ATF2: variants seen among roughly 807,000 people sequenced by gnomAD.
The protein encoded by ATF2 is activating transcription factor 2.
ATF2 carries 24 observed loss-of-function variants against 60.6 expected under a neutral mutation model. The observed-to-expected ratio is 0.40, with a 90% CI of 0.29 to 0.56. The LOEUF (loss-of-function observed/expected upper bound fraction) is 0.56, where lower values mean the gene tolerates loss of function less well. ATF2 is among the 20% of genes least tolerant of loss of function. The pLI, the probability that ATF2 is intolerant of heterozygous loss-of-function variation, is 0.54. For synonymous variants in ATF2, 206 were observed against 215.4 expected, an observed-to-expected ratio of 0.96 and a Z score of 0.38; for missense variants, 433 against 607.7, an observed-to-expected ratio of 0.71 and a Z score of 3.02.
chr2:175,163,625 A>G (rs1559131886), intron 1 of ATF2, among the ~76,000 whole-genome samples: 2 of 149,830 alleles, frequency 1.3e-5, no homozygotes, highest in Non-Finnish European at 1.5e-5. Flanking sequence ...AATGCCAAGG[A>G]AAAAAAATCA....
At chr2:175,122,951 G>A (rs2178329) in intron 4 of ATF2, among the ~76,000 whole-genome samples, 137,303 of 152,090 alleles carry the variant, frequency 0.9, 62,067 homozygotes, top group East Asian at 1. Flanking sequence ...TACTTCACAT[G>A]CCAACAGAAA....
intron 1 of ATF2, among the ~76,000 whole-genome samples, chr2:175,160,575 T>G (rs879430736): frequency 5.3e-5 from 8 of 152,200 alleles, no homozygotes; most frequent in Admixed American, 5.2e-4. Flanking sequence ...ATAAAATATT[T>G]CACTGATTCT....
chr2:175,094,428 A>AAAAAAAAAAAAAAAG (rs1694776135), intron 11 of ATF2, among the ~76,000 whole-genome samples: 1 of 147,464 alleles, frequency 6.8e-6, no homozygotes, highest in Non-Finnish European at 1.5e-5. Context: ...AAAAAAAAAA[A>AAAAAAAAAAAAAAAG]AGAAAGAAGA....
intron 9 of ATF2, among the ~76,000 whole-genome samples, chr2:175,113,642 T>C (rs2105687395): frequency 6.6e-6 from 1 of 152,186 alleles, no homozygotes; most frequent in Middle Eastern, 3.4e-3. Context: ...TTATAAACAA[T>C]TTCCATACTA....
chr2:175,094,147 C>A (rs894308274), intron 11 of ATF2, among the ~76,000 whole-genome samples: 8 of 152,082 alleles, frequency 5.3e-5, no homozygotes, highest in African/African-American at 1.9e-4. Flanking sequence ...AATCCCAGCA[C>A]TCTGGGAGGC....
In ATF2 at chr2:175,118,121, A is replaced by G. The variant is rs1442066464; in HGVS notation, c.319-3T>C. The G allele has an allele frequency of 3.7e-6, 6 of 1,607,520 alleles. No individual in the cohort carries two copies. The East Asian group carries it at 8.9e-5, about 24-fold the overall frequency. ...AGAGGGGATAAATCTAGAGGCATCT[A>G]TAATTCAAATAATAAGGAAAAGGTT... On this transcript the variant is annotated splice_polypyrimidine_tract_variant and splice_region_variant and intron_variant, in intron 6 of 13. Transcript: ENST00000264110.
intron 2 of ATF2, among the ~76,000 whole-genome samples, chr2:175,146,917 G>A (rs1202722655): frequency 6.6e-6 from 1 of 151,968 alleles, no homozygotes; most frequent in African/African-American, 2.4e-5. Context: ...TATATAATTA[G>A]CATCGATGTA....
chr2:175,158,233 G>T (rs1434974173), intron 1 of ATF2, among the ~76,000 whole-genome samples: 2 of 144,796 alleles, frequency 1.4e-5, no homozygotes, highest in East Asian at 3.9e-4. Flanking sequence ...TTGAATTCAG[G>T]ATTTTTTTTT....
Position 175,097,515 on chromosome 2 carries a change from C to G in ATF2, c.907G>C (p.Val303Leu). Residue 303 changes from valine to leucine, a missense_variant, in exon 11 of 14, where the codon GTT becomes CTT. This residue lies in a region of ATF2 where 246 missense variants were observed against 309.3 expected (regional missense o/e 0.80). Transcript: ENST00000264110. ...DTVKGHGSGLVRTQSEESRPQ... is the reference protein window; with the variant it reads ...DTVKGHGSGLLRTQSEESRPQ... ...CGAGATTCCTCTGACTGAGTCCTAA[C>G]CAATCCGCTACCATGACCTTTGACA... The G allele has an allele frequency of 6.2e-7, 1 of 1,614,128 alleles. No individual in the cohort carries two copies. Among genetic ancestry groups the G allele is most frequent in the Non-Finnish European group, 8.5e-7 (1 of 1,180,006 alleles).
intron 1 of ATF2, among the ~76,000 whole-genome samples, chr2:175,155,979 G>C (rs1327085027): frequency 1.3e-5 from 2 of 152,074 alleles, no homozygotes; most frequent in Admixed American, 6.5e-5. Flanking sequence ...GAGTGTATTA[G>C]GCAGAATGGC....
chr2:175,077,271 C>T (rs906589490), intron 13 of ATF2, among the ~76,000 whole-genome samples: 2 of 152,018 alleles, frequency 1.3e-5, no homozygotes, highest in Non-Finnish European at 2.9e-5. Context: ...TTTGCATGTG[C>T]CTTTATAGCA....
At chr2:175,108,451 C>A (rs2430559) in intron 10 of ATF2, among the ~76,000 whole-genome samples, 1 of 146,978 alleles carries the variant, frequency 6.8e-6, no homozygotes, top group Non-Finnish European at 1.5e-5. Context: ...CAGCCCCGTC[C>A]GGGAGGGAGG....
At chr2:175,155,430 T>C (rs1699611576) in intron 1 of ATF2, among the ~76,000 whole-genome samples, 1 of 152,216 alleles carries the variant, frequency 6.6e-6, no homozygotes, top group South Asian at 2.1e-4. Flanking sequence ...GCTTTAAGAA[T>C]TGGTGTTCTG....
chr2:175,108,603 G>A (rs1026451164), intron 10 of ATF2, among the ~76,000 whole-genome samples: 6 of 151,816 alleles, frequency 4.0e-5, no homozygotes, highest in African/African-American at 1.2e-4. Flanking sequence ...GAGGTGGGGG[G>A]CGCCTCTGCC....
At chr2:175,127,631 ATGCTCCAGCCACAGTAG>A (rs1408457187) in intron 4 of ATF2, among the ~76,000 whole-genome samples, 1 of 152,078 alleles carries the variant, frequency 6.6e-6, no homozygotes, top group Admixed American at 6.5e-5. Context: ...TGGTCATTAT[ATGCTCCAGCCACAGTAG>A]TTGCGTTTCT....
chr2:175,134,346 C>A (rs1437497688), intron 3 of ATF2, among the ~76,000 whole-genome samples: 1 of 151,828 alleles, frequency 6.6e-6, no homozygotes, highest in African/African-American at 2.4e-5. Flanking sequence ...TTCAGGAGAT[C>A]CTGGATCCAA....
At chr2:175,088,174 T>C (rs146936252) in intron 12 of ATF2, among the ~76,000 whole-genome samples, 1 of 152,274 alleles carries the variant, frequency 6.6e-6, no homozygotes, top group African/African-American at 2.4e-5. Context: ...ATGTAAGTAT[T>C]AGATCTCAAA....
At chr2:175,152,759 T>C (rs1034755706) in intron 1 of ATF2, among the ~76,000 whole-genome samples, 2 of 152,180 alleles carry the variant, frequency 1.3e-5, no homozygotes, top group Non-Finnish European at 2.9e-5. Context: ...ATGCTTTATA[T>C]ACAGGCTGTT....
intron 5 of ATF2, among the ~76,000 whole-genome samples, chr2:175,118,825 C>CT (rs906325954): frequency 2.1e-4 from 32 of 150,784 alleles, no homozygotes; most frequent in African/African-American, 4.9e-5. Context: ...TGAAAGCAAA[C>CT]TAAGATAAAA....
Sources: allele counts gnomAD v4.1 joint callset (sites outside exome capture counted in the v4.1 genomes callset), GRCh38; gene constraint gnomAD v4.1.1; regional missense constraint gnomAD v4.1.1; transcripts MANE v1.5; gene names NCBI Gene and HGNC (gene_info 2026-07-23, HGNC 2026-07-21).